Variants in FRMD6 observed in about 807,000 individuals in gnomAD.
FRMD6 encodes the protein FERM domain containing 6.
FRMD6 carries 37 observed loss-of-function variants against 73.2 expected under a neutral mutation model. The observed-to-expected ratio is 0.51, with a 90% CI of 0.39 to 0.66. The LOEUF (loss-of-function observed/expected upper bound fraction) is 0.66. Ranked by LOEUF, FRMD6 falls within the 30% of genes least tolerant of loss-of-function variation. FRMD6 has a pLI of 0.00. For missense variants in FRMD6, 714 were observed against 780.5 expected (o/e 0.91, Z 1.02); for synonymous variants, 273 against 282.2 (o/e 0.97, Z 0.33).
intron 1 of FRMD6, among the ~76,000 whole-genome samples, chr14:51,492,629 C>T (rs1248776164): frequency 8.7e-4 from 132 of 152,174 alleles, no homozygotes; most frequent in Admixed American, 8.2e-3. Context: ...AAGAGTTTCT[C>T]TCATTTTGAA....
chr14:51,700,912 A>G, intron 3 of FRMD6, 144 bp from the exon 4 acceptor site: 3 of 430,672 alleles, frequency 7.0e-6, no homozygotes, highest in Non-Finnish European at 8.5e-6. Flanking sequence ...TTTGTCTTCT[A>G]GTATCTCTTT....
intron 1 of FRMD6, among the ~76,000 whole-genome samples, chr14:51,530,478 CTAT>C (rs1885519857): frequency 6.6e-6 from 1 of 151,970 alleles, no homozygotes; most frequent in African/African-American, 2.4e-5. Flanking sequence ...TTGTGAGTTA[CTAT>C]TATTATTATT....
At chr14:51,723,772 C>CAAAAAAA (rs71443192) in intron 12 of FRMD6, among the ~76,000 whole-genome samples, 2 of 138,698 alleles carry the variant, frequency 1.4e-5, no homozygotes, top group African/African-American at 2.7e-5. Flanking sequence ...GAGACTCTGT[C>CAAAAAAA]AAAAAAAAAA....
chr14:51,706,638 G>T (rs2140484585), intron 6 of FRMD6, among the ~76,000 whole-genome samples: 1 of 151,994 alleles, frequency 6.6e-6, no homozygotes, highest in East Asian at 1.9e-4. Context: ...GTTTCACCTG[G>T]CTAACTCCTA....
intron 1 of FRMD6, among the ~76,000 whole-genome samples, chr14:51,540,460 A>G (rs1419069936): frequency 6.6e-6 from 1 of 152,134 alleles, no homozygotes; most frequent in East Asian, 1.9e-4. Flanking sequence ...AAACTGCGAC[A>G]CCATCATGAT....
In FRMD6 at chr14:51,578,983, C is replaced by T. The variant is rs921884194; in HGVS notation, c.-147+8573C>T. 4.1e-4 allele frequency: 63 copies of T among 152,158 alleles called. 1 individual carries two copies. The highest frequency in any genetic ancestry group is 1.2e-3 in the African/African-American group (50 of 41,504). 9.4% of individuals were successfully genotyped at this position (152,158 alleles called of 1,614,324 possible). On this transcript the variant is annotated intron_variant, in intron 2 of 14. Transcript: ENST00000356218. ...TTTCTTCTTTACAGCTTTATGAAAACCCAACCACAGCAAACATACAGGCTG... is the reference window on the plus strand; with the variant it reads ...TTTCTTCTTTACAGCTTTATGAAAATCCAACCACAGCAAACATACAGGCTG...
intron 1 of FRMD6, among the ~76,000 whole-genome samples, chr14:51,520,917 C>T (rs1023480018): frequency 5.9e-5 from 9 of 151,264 alleles, no homozygotes; most frequent in African/African-American, 1.7e-4. Flanking sequence ...CTCAAAAATA[C>T]GTAAATAAAA....
At chr14:51,551,467 G>C (rs1341393663) in intron 1 of FRMD6, among the ~76,000 whole-genome samples, 1 of 152,210 alleles carries the variant, frequency 6.6e-6, no homozygotes, top group Non-Finnish European at 1.5e-5. Flanking sequence ...CAGCACAGTG[G>C]CTCAGGCCTG....
the FRMD6 span, among the ~76,000 whole-genome samples, chr14:51,435,773 A>T: frequency 1.3e-5 from 2 of 152,210 alleles, no homozygotes; most frequent in Non-Finnish European, 2.9e-5. Flanking sequence ...TTAATATTTT[A>T]AAATGGCTAC....
At position 51,689,765 on chromosome 14, in the gene FRMD6, G is replaced by A. The variant is rs1307059404; in HGVS notation, c.-72G>A. On this transcript the variant is annotated 5_prime_UTR_variant, in exon 2 of 14. The change creates a premature stop within an existing upstream ORF in the 5' untranslated region. Coordinates refer to ENST00000344768, the MANE Select transcript of FRMD6 (RefSeq NM_001267046.2). ...GTGATGAGGAGGCGAGCTTGGCTTT[G>A]GAGTGCTGGGAACCTGAGGAATTGC... 6 of 866,408 alleles carry A rather than the reference G, an allele frequency of 6.9e-6. No individual in the cohort carries two copies. The highest frequency in any genetic ancestry group is 6.8e-5 in the Admixed American group (4 of 58,754). The allele number at this position is 866,408 out of a possible 1,614,324, so 53.7% of individuals were successfully genotyped here.
chr14:51,599,593 T>C (rs1889918457), intron 2 of FRMD6, among the ~76,000 whole-genome samples: 1 of 152,076 alleles, frequency 6.6e-6, no homozygotes, highest in African/African-American at 2.4e-5. Context: ...AAGCTATATA[T>C]CCAGCAAAGG....
At chr14:51,436,341 C>T in the FRMD6 span, 1 of 391,646 alleles carries the variant, frequency 2.6e-6, no homozygotes, top group Non-Finnish European at 4.9e-6. Context: ...TGTTAACCAT[C>T]CAAAAGTGTC....
At chr14:51,586,231 C>T (rs1889043245) in intron 2 of FRMD6, among the ~76,000 whole-genome samples, 1 of 151,942 alleles carries the variant, frequency 6.6e-6, no homozygotes, top group Admixed American at 6.6e-5. Flanking sequence ...TTCTCCACAA[C>T]CTCACCAACT....
At position 51,723,133 on chromosome 14, in the gene FRMD6, C is replaced by T. The variant is rs10132621; in HGVS notation, c.1492+1053C>T. 2.4e-3 allele frequency among the ~76,000 whole-genome samples: 370 copies of T among 152,344 alleles called. 3 individuals are homozygous for T. The highest frequency in any genetic ancestry group is 8.6e-3 in the African/African-American group (357 of 41,582). On this transcript the variant is annotated intron_variant, in intron 12 of 13. Coordinates refer to ENST00000344768, the MANE Select transcript of FRMD6 (RefSeq NM_001267046.2). ...GCTTACCCTAAACATGCTTAGAGTTCATATACCAAACTTTGCCCCTTTTTG... is the reference window on the plus strand; with the variant it reads ...GCTTACCCTAAACATGCTTAGAGTTTATATACCAAACTTTGCCCCTTTTTG...
At chr14:51,527,011 G>C (rs1885292276) in intron 1 of FRMD6, among the ~76,000 whole-genome samples, 1 of 152,272 alleles carries the variant, frequency 6.6e-6, no homozygotes, top group African/African-American at 2.4e-5. Context: ...GAGGAAAGAA[G>C]TAGCCCTGAT....
At chr14:51,561,070 A>T (rs983860343) in intron 1 of FRMD6, among the ~76,000 whole-genome samples, 2 of 152,206 alleles carry the variant, frequency 1.3e-5, no homozygotes, top group Non-Finnish European at 2.9e-5. Flanking sequence ...CCCACTTGAA[A>T]ACATCTTGGT....
At chr14:51,430,104 G>T in the FRMD6 span, among the ~76,000 whole-genome samples, 4 of 152,222 alleles carry the variant, frequency 2.6e-5, no homozygotes, top group Admixed American at 2.6e-4. Flanking sequence ...TAGAGGCTTT[G>T]TGTTCCATGT....
chr14:51,510,890 A>C (rs1821994451), intron 1 of FRMD6, among the ~76,000 whole-genome samples: 1 of 151,876 alleles, frequency 6.6e-6, no homozygotes, highest in Non-Finnish European at 1.5e-5. Flanking sequence ...GTTATCTTCA[A>C]CCTTTTGGGA....
intron 1 of FRMD6, among the ~76,000 whole-genome samples, chr14:51,507,536 G>A (rs1467893836): frequency 2.0e-5 from 3 of 152,142 alleles, no homozygotes; most frequent in African/African-American, 7.2e-5. Context: ...TACTATAGGG[G>A]AAAATCATCT....
Sources: allele counts gnomAD v4.1 joint callset (sites outside exome capture counted in the v4.1 genomes callset), GRCh38; gene constraint gnomAD v4.1.1; transcripts MANE v1.5; gene names NCBI Gene and HGNC (gene_info 2026-07-23, HGNC 2026-07-21).